The following MYO16 variants were observed in gnomAD, a reference collection of about 807,000 sequenced individuals.
MYO16 encodes the protein myosin XVI, also known as unconventional myosin-XVI.
MYO16 carries 94 observed loss-of-function variants against 205.3 expected under a neutral mutation model. The ratio of observed to expected loss-of-function variants is 0.46; its 90% CI spans 0.39 to 0.54. MYO16 has a LOEUF of 0.54. Ranked by LOEUF, MYO16 falls within the 20% of genes least tolerant of loss-of-function variation. The probability of loss-of-function intolerance (pLI) is 0.00; values close to 1 mark genes in which losing one functional copy is unlikely to be tolerated. For synonymous variants in MYO16, 988 were observed against 954.0 expected (o/e 1.04, Z -0.66); for missense variants, 2,315 against 2,387.5 (o/e 0.97, Z 0.63).
chr13:108,859,993 T>A (rs1419146740), intron 11 of MYO16, among the ~76,000 whole-genome samples: 1 of 152,084 alleles, frequency 6.6e-6, no homozygotes, highest in African/African-American at 2.4e-5. Context: ...GTGACCCAGG[T>A]TAATGTAGCA....
At chr13:108,708,930 T>C (rs1431878515) in intron 2 of MYO16, among the ~76,000 whole-genome samples, 1 of 152,174 alleles carries the variant, frequency 6.6e-6, no homozygotes, top group Non-Finnish European at 1.5e-5. Context: ...TTTAGTCCAT[T>C]TTTTACCCTA....
intron 4 of MYO16, among the ~76,000 whole-genome samples, chr13:108,760,475 T>G (rs563810097): frequency 0.05 from 2,805 of 56,400 alleles, 81 homozygotes; most frequent in African/African-American, 0.11. Flanking sequence ...AACTTAGGGT[T>G]TTTTTTTTTA....
intron 23 of MYO16, among the ~76,000 whole-genome samples, chr13:109,022,913 C>T (rs1339556274): frequency 3.0e-5 from 4 of 132,812 alleles, no homozygotes; most frequent in Non-Finnish European, 4.6e-5. Context: ...TATATGTATA[C>T]ATTTATATAT....
chr13:109,023,867 A>G (rs1886258790), intron 23 of MYO16, among the ~76,000 whole-genome samples: 2 of 138,558 alleles, frequency 1.4e-5, no homozygotes, highest in South Asian at 2.2e-4. Context: ...TATAAAATTT[A>G]TTAAATTTTA....
At chr13:108,883,284 C>A in intron 13 of MYO16, 98 bp downstream of exon 13, 2 of 1,429,502 alleles carry the variant, frequency 1.4e-6, no homozygotes, top group Non-Finnish European at 1.9e-6. Context: ...TATTTACTTT[C>A]TCAGCACCTT....
chr13:108,689,430 A>T (rs1566551436), intron 2 of MYO16, among the ~76,000 whole-genome samples: 1 of 152,252 alleles, frequency 6.6e-6, no homozygotes, highest in African/African-American at 2.4e-5. Flanking sequence ...ATACTTGCTA[A>T]TTAAACTAAT....
chr13:108,875,368 C>G (rs137964180), intron 12 of MYO16, among the ~76,000 whole-genome samples: 1 of 152,206 alleles, frequency 6.6e-6, no homozygotes, highest in African/African-American at 2.4e-5. Flanking sequence ...GTCAGTCACT[C>G]AGAAAACAGG....
upstream of MYO16, among the ~76,000 whole-genome samples, chr13:108,624,961 T>C (rs1879678992): frequency 6.6e-6 from 1 of 152,196 alleles, no homozygotes; most frequent in Admixed American, 6.6e-5. Flanking sequence ...CAGTACTCTA[T>C]GAAAGTATTT....
rs117589440 is a variant in MYO16 at position 109,152,662 on chromosome 13, A to C, written c.5164+11286A>C. On this transcript the variant is annotated intron_variant, in intron 32 of 34. Coordinates refer to ENST00000457511, the MANE Select transcript of MYO16 (RefSeq NM_001198950.3). ...TACATTTCCATTTCTGCGGGGATTG[A>C]GCATGTCTTCGGAACCCTCTGCAAT... Among the ~76,000 whole-genome samples, 966 of 152,316 alleles carry C rather than the reference A, an allele frequency of 6.3e-3. 5 individuals carry two copies. Among genetic ancestry groups the C allele is most frequent in the Non-Finnish European group, 0.011 (722 of 68,034 alleles).
intron 23 of MYO16, among the ~76,000 whole-genome samples, chr13:109,037,702 A>G (rs576195073): frequency 5.9e-5 from 9 of 152,170 alleles, no homozygotes; most frequent in Admixed American, 2.0e-4. Flanking sequence ...TGGGAGAGAT[A>G]GGAAGAAAGA....
chr13:108,645,505 C>T (rs1880713773), intron 1 of MYO16, among the ~76,000 whole-genome samples: 1 of 152,108 alleles, frequency 6.6e-6, no homozygotes. Context: ...TACTCTGTGC[C>T]CCGATCTCCT....
At chr13:108,707,864 G>C (rs938258028) in intron 2 of MYO16, among the ~76,000 whole-genome samples, 1 of 152,094 alleles carries the variant, frequency 6.6e-6, no homozygotes, top group Non-Finnish European at 1.5e-5. Flanking sequence ...CCACAACAAA[G>C]CTCCTAAATC....
At chr13:109,001,795 A>G (rs1290317554) in intron 21 of MYO16, among the ~76,000 whole-genome samples, 2 of 152,022 alleles carry the variant, frequency 1.3e-5, no homozygotes, top group Non-Finnish European at 2.9e-5. Context: ...TTAACTCCAT[A>G]TTTCCCCAAT....
chr13:108,854,341 A>T (rs1220050685), intron 10 of MYO16, among the ~76,000 whole-genome samples: 1 of 152,118 alleles, frequency 6.6e-6, no homozygotes, highest in Non-Finnish European at 1.5e-5. Flanking sequence ...TGGGGAGAAA[A>T]TAAGCCCACT....
intron 4 of MYO16, among the ~76,000 whole-genome samples, chr13:108,754,553 TAAAGTA>T (rs1594267378): frequency 6.6e-6 from 1 of 152,238 alleles, no homozygotes; most frequent in East Asian, 1.9e-4. Context: ...TATAAAGTCT[TAAAGTA>T]AAAGAAATAG....
chr13:109,040,527 CT>C (rs1886854450), intron 23 of MYO16, among the ~76,000 whole-genome samples: 1 of 151,834 alleles, frequency 6.6e-6, no homozygotes, highest in Non-Finnish European at 1.5e-5. Context: ...TTTTTGTTTT[CT>C]TTTTCTGGGG....
At chr13:108,784,878 AT>A (rs943436882) in intron 4 of MYO16, among the ~76,000 whole-genome samples, 1 of 152,132 alleles carries the variant, frequency 6.6e-6, no homozygotes, top group African/African-American at 2.4e-5. Context: ...TCATTAGGGA[AT>A]GTGGGGCAAT....
intron 14 of MYO16, among the ~76,000 whole-genome samples, chr13:108,895,580 G>C (rs1880373679): frequency 6.6e-6 from 1 of 152,158 alleles, no homozygotes; most frequent in Admixed American, 6.5e-5. Flanking sequence ...GTCTTTATTG[G>C]TATTTCAGCA....
intron 8 of MYO16, 39 bp downstream of exon 8, chr13:108,820,451 G>C: frequency 4.6e-6 from 7 of 1,508,164 alleles, no homozygotes; most frequent in African/African-American, 1.4e-5. Flanking sequence ...AGCAGGTACT[G>C]TTTTCTTCCT....
Sources: gnomAD v4.1 joint callset for allele counts (sites outside exome capture counted in the v4.1 genomes callset) on GRCh38, gnomAD v4.1.1 for gene constraint, MANE v1.5 for transcripts, NCBI Gene and HGNC (gene_info 2026-07-23, HGNC 2026-07-21) for gene names.